Variants in TM6SF1 observed in about 807,000 individuals in gnomAD.
TM6SF1 encodes the protein transmembrane 6 superfamily member 1.
TM6SF1 carries 43 observed loss-of-function variants against 47.1 expected under a neutral mutation model. The ratio of observed to expected loss-of-function variants is 0.91; its 90% confidence interval spans 0.72 to 1.18. The LOEUF (loss-of-function observed/expected upper bound fraction) is 1.18. Ranked by LOEUF, TM6SF1 falls within the 50% of genes most tolerant of loss-of-function variation. TM6SF1 has a pLI of 0.00. For missense variants in TM6SF1, 390 were observed against 449.0 expected, an observed-to-expected ratio of 0.87 and a Z score of 1.19; for synonymous variants, 177 against 166.3, an observed-to-expected ratio of 1.06 and a Z score of -0.49.
intron 9 of TM6SF1, chr15:83,128,095 CAAGG>C (rs1294652249): frequency 6.6e-6 from 1 of 152,106 alleles, no homozygotes; most frequent in Non-Finnish European, 1.5e-5. Flanking sequence ...ATCTTCTGAA[CAAGG>C]AAGAAAATTA....
At chr15:83,110,084 T>C (rs948883154) in intron 1 of TM6SF1, among the ~76,000 whole-genome samples, 6 of 152,214 alleles carry the variant, frequency 3.9e-5, no homozygotes, top group Non-Finnish European at 7.3e-5. Context: ...TATGTTTGAC[T>C]TTGTTGAATC....
intron 3 of TM6SF1, 91 bp downstream of exon 3, chr15:83,116,033 T>C (rs2034628163): frequency 3.0e-6 from 3 of 1,015,212 alleles, no homozygotes; most frequent in Non-Finnish European, 4.6e-6. Flanking sequence ...TCATTTAGTG[T>C]GAACAGGTAC....
At chr15:83,111,157 C>T (rs2034121850) in intron 1 of TM6SF1, among the ~76,000 whole-genome samples, 4 of 152,186 alleles carry the variant, frequency 2.6e-5, no homozygotes, top group Admixed American at 2.0e-4. Flanking sequence ...CAGGTGTGAG[C>T]CACTGCGCCC....
intron 3 of TM6SF1, among the ~76,000 whole-genome samples, chr15:83,117,133 G>T (rs1240701223): frequency 6.6e-6 from 1 of 152,174 alleles, no homozygotes; most frequent in Non-Finnish European, 1.5e-5. Flanking sequence ...TTTTAAAAAT[G>T]GTCATGGCAG....
chr15:83,118,715 A>G (rs1161402148), intron 3 of TM6SF1, among the ~76,000 whole-genome samples: 3 of 152,198 alleles, frequency 2.0e-5, no homozygotes, highest in Admixed American at 1.3e-4. Context: ...GGCATCTTAC[A>G]GCGTGAAACA....
At chr15:83,131,954 T>C (rs2036283894) in intron 9 of TM6SF1, 1 of 152,078 alleles carries the variant, frequency 6.6e-6, no homozygotes, top group South Asian at 2.1e-4. Flanking sequence ...TCAATGAAAA[T>C]GAAAAAAAGC....
chr15:83,133,206 C>T (rs891272767), intron 9 of TM6SF1: 1 of 152,198 alleles, frequency 6.6e-6, no homozygotes, highest in African/African-American at 2.4e-5. Context: ...CTATGTTGCT[C>T]AGAAAACTCT....
intron 2 of TM6SF1, chr15:83,115,536 G>A: frequency 2.1e-6 from 1 of 487,514 alleles, no homozygotes; most frequent in Non-Finnish European, 3.9e-6. Flanking sequence ...ACTTGTAGGG[G>A]AGTGGAGGAT....
In TM6SF1 at chr15:83,112,157, G is replaced by C. The variant is rs184030936; in HGVS notation, c.93-640G>C. On this transcript the variant is annotated intron_variant, in intron 1 of 9. Coordinates refer to ENST00000322019, the MANE Select transcript of TM6SF1 (RefSeq NM_023003.5). ...GATGTACTCAACTAAGCTTCACCTT[G>C]GTTTCTATGGTTTGGGGTTGGATGC... 8.5e-5 allele frequency among the ~76,000 whole-genome samples: 13 copies of C among 152,240 alleles called. No homozygotes were observed. The East Asian group carries it at 2.5e-3, about 29-fold the overall frequency.
At chr15:83,132,526 A>T (rs1360133763) in intron 9 of TM6SF1, 1 of 151,206 alleles carries the variant, frequency 6.6e-6, no homozygotes, top group Non-Finnish European at 1.5e-5. Context: ...CGTGTGAATA[A>T]TTTGGTTGTG....
intron 9 of TM6SF1, 139 bp from the exon 10 acceptor site, chr15:83,136,342 G>T (rs2036604397): frequency 5.3e-6 from 3 of 562,442 alleles, no homozygotes; most frequent in Non-Finnish European, 9.0e-6. Context: ...ACTCTGGATT[G>T]TTTGAAGGTA....
At chr15:83,128,175 T>G (rs915407158) in intron 9 of TM6SF1, 1 of 152,290 alleles carries the variant, frequency 6.6e-6, no homozygotes, top group African/African-American at 2.4e-5. Context: ...ATCTTGTTCT[T>G]TTCAAGCAGT....
chr15:83,136,520 A>C lies in TM6SF1; in HGVS notation c.961A>C (p.Thr321Pro). 1.2e-6 allele frequency: 2 copies of C among 1,605,268 alleles called. No individual in the cohort carries two copies. The highest frequency in any genetic ancestry group is 1.7e-6 in the Non-Finnish European group (2 of 1,177,904). ...SHIGASLHAR[T>P]AYVYRVPEEA... is the part of the protein sequence containing the mutation. ...CATTGGTGCATCTCTTCATGCTAGA[A>C]CTGCTTATGTCTACAGAGTCCCTGA... The change falls in exon 10 of 10, where the codon ACT (threonine) becomes CCT (proline). Residue 321 changes from threonine to proline, a missense_variant. By Grantham distance (38) the Thr-to-Pro change is conservative (BLOSUM62 -1). Transcript: ENST00000322019.
chr15:83,118,230 TAC>T (rs72160704), intron 3 of TM6SF1, among the ~76,000 whole-genome samples: 15,815 of 145,502 alleles, frequency 0.11, 1,048 homozygotes, highest in African/African-American at 0.19. Context: ...TCTCTGTACG[TAC>T]ACACACACAC....
chr15:83,110,505 G>A (rs1337562636), intron 1 of TM6SF1, among the ~76,000 whole-genome samples: 1 of 152,190 alleles, frequency 6.6e-6, no homozygotes, highest in East Asian at 1.9e-4. Flanking sequence ...ATGAGAGGAC[G>A]CTGTGAACCA....
chr15:83,126,830 G>A lies in TM6SF1; in HGVS notation c.784G>A (p.Ala262Thr), dbSNP rs778832563. Residue 262 changes from alanine (A) to threonine (T), a missense_variant, in exon 8 of 10, where the codon GCT becomes ACT. Physicochemically the swap from Ala to Thr is moderately conservative, Grantham distance 58 (BLOSUM62 0). Transcript: ENST00000322019. ...AGAGCCCTATCTAAAGGATCCTGCT[G>A]CTTATCCTAAAATTCAGGTCAAGTA... ...FQEPYLKDPA[A>T]YPKIQMLAYM... The A allele has an allele frequency of 1.9e-6, 3 of 1,613,296 alleles. No homozygotes were observed. In the South Asian group the frequency reaches 3.3e-5, roughly 18 times the overall value.
At chr15:83,133,002 G>C (rs2036357581) in intron 9 of TM6SF1, 1 of 152,120 alleles carries the variant, frequency 6.6e-6, no homozygotes, top group South Asian at 2.1e-4. Flanking sequence ...TTTCAGTTTT[G>C]TACTTGTGTC....
chr15:83,115,867 C>T lies in TM6SF1; in HGVS notation c.219C>T (p.Thr73=), dbSNP rs532316248. ...LFYVYAVFGF[T]SVVNLIIGLE... ...TAGTGTATGCAGTTTTTGGATTTAC[C>T]AGCGTGGTGAACCTCATCATAGGAC... Residue 73 remains threonine, a synonymous_variant, in exon 3 of 10, where the codon ACC becomes ACT. Transcript: ENST00000322019. 17 of 1,613,986 alleles carry T rather than the reference C, an allele frequency of 1.1e-5. No homozygotes were observed. The African/African-American group carries it at 1.7e-4, about 16-fold the overall frequency.
At position 83,107,944 on chromosome 15, in the gene TM6SF1, C is replaced by T; in HGVS notation, c.92+172C>T. Reference sequence around the variant, plus strand: ...CAGACTAGGGGGGCGCCCCAGGGGTCGCACGGGCCGGGTCTTGGAGCCGGG... The same window carrying T: ...CAGACTAGGGGGGCGCCCCAGGGGTTGCACGGGCCGGGTCTTGGAGCCGGG... On this transcript the variant is annotated intron_variant, in intron 1 of 9. Transcript: ENST00000322019. The surrounding 1 kb of genome is among the most constrained non-coding windows in gnomAD (Gnocchi z 5.6). The T allele has an allele frequency of 1.6e-6, 2 of 1,240,182 alleles. No homozygotes were observed. Among genetic ancestry groups the T allele is most frequent in the East Asian group, 3.3e-5 (1 of 30,590 alleles). The allele number at this position is 1,240,182 out of a possible 1,614,324, so 76.8% of individuals were successfully genotyped here.
Sources: allele counts gnomAD v4.1 joint callset (sites outside exome capture counted in the v4.1 genomes callset), GRCh38; gene constraint gnomAD v4.1.1; non-coding constraint Gnocchi (gnomAD v3.1); transcripts MANE v1.5; gene names NCBI Gene and HGNC (gene_info 2026-07-23, HGNC 2026-07-21).